NEXN: variants seen among roughly 807,000 people sequenced by gnomAD.
NEXN encodes the protein nexilin.
In NEXN, 65 loss-of-function variants were observed where a neutral mutation model predicts 92.6. The ratio of observed to expected loss-of-function variants is 0.70; its 90% CI spans 0.57 to 0.86. NEXN has a LOEUF of 0.86. Among genes scored for constraint, NEXN ranks in the 40% least tolerant of loss-of-function variants. NEXN has a pLI of 0.00. For missense variants in NEXN, 778 were observed against 771.1 expected, an observed-to-expected ratio of 1.01 and a Z score of -0.11; for synonymous variants, 254 against 242.5, an observed-to-expected ratio of 1.05 and a Z score of -0.44.
At chr1:77,892,899 C>G (rs1647141533) in intron 1 of NEXN, among the ~76,000 whole-genome samples, 1 of 147,282 alleles carries the variant, frequency 6.8e-6, no homozygotes, top group Non-Finnish European at 1.5e-5. Flanking sequence ...CGGAGTCTTG[C>G]TTTGTCACCC....
rs373878384 is a variant in NEXN at position 77,929,353 on chromosome 1, T to A, written c.902T>A (p.Ile301Asn). Residue 301 changes from isoleucine to asparagine, a missense_variant, in exon 9 of 13, where the codon ATT becomes AAT. Coordinates refer to ENST00000334785, the MANE Select transcript of NEXN (RefSeq NM_144573.4). ...GAGGAAAACCAAGACACAGCAAAAATTTTTAAAGGGTACCGCCCTGGTAAA... is the reference window on the plus strand; with the variant it reads ...GAGGAAAACCAAGACACAGCAAAAAATTTTAAAGGGTACCGCCCTGGTAAA... ...EDEENQDTAK[I>N]FKGYRPGKLK... 2.0e-5 allele frequency: 32 copies of A among 1,613,614 alleles called. No individual in the cohort carries two copies. In the African/African-American group the frequency reaches 3.3e-4, roughly 17 times the overall value.
At chr1:77,914,429 G>C (rs1648806581) in intron 1 of NEXN, among the ~76,000 whole-genome samples, 1 of 151,690 alleles carries the variant, frequency 6.6e-6, no homozygotes, top group Non-Finnish European at 1.5e-5. Context: ...TAAAAAAAAA[G>C]TTGGCTAGAA....
intron 1 of NEXN, among the ~76,000 whole-genome samples, chr1:77,902,018 A>G (rs1647755374): frequency 6.6e-6 from 1 of 152,216 alleles, no homozygotes; most frequent in South Asian, 2.1e-4. Flanking sequence ...CATCTAGACC[A>G]TAAACTCCAT....
At chr1:77,941,359 T>C (rs1053271871) in intron 11 of NEXN, among the ~76,000 whole-genome samples, 6 of 152,196 alleles carry the variant, frequency 3.9e-5, no homozygotes, top group Non-Finnish European at 7.3e-5. Context: ...ATTATTTTCC[T>C]AGACACACTA....
At chr1:77,892,706 G>A (rs1330263462) in intron 1 of NEXN, among the ~76,000 whole-genome samples, 3 of 152,152 alleles carry the variant, frequency 2.0e-5, no homozygotes, top group African/African-American at 7.2e-5. Flanking sequence ...AGTGGGAGAA[G>A]AGATTAGCAT....
At chr1:77,940,209 T>C (rs1468573699) in intron 11 of NEXN, among the ~76,000 whole-genome samples, 3 of 152,238 alleles carry the variant, frequency 2.0e-5, no homozygotes, top group African/African-American at 4.8e-5. Context: ...AAATGCCTTA[T>C]ATAACATTTG....
intron 1 of NEXN, among the ~76,000 whole-genome samples, chr1:77,909,513 A>G (rs1557968012): frequency 6.6e-6 from 1 of 152,182 alleles, no homozygotes; most frequent in African/African-American, 2.4e-5. Flanking sequence ...GACTAGTGCT[A>G]TTTATTATTT....
chr1:77,916,692 TTAAG>T (rs752883548), intron 2 of NEXN, among the ~76,000 whole-genome samples: 29 of 152,188 alleles, frequency 1.9e-4, no homozygotes, highest in African/African-American at 6.0e-4. Context: ...CACAAATTAA[TTAAG>T]TAATTGTCAT....
intron 1 of NEXN, among the ~76,000 whole-genome samples, chr1:77,903,817 C>A (rs1263372526): frequency 6.6e-6 from 1 of 151,884 alleles, no homozygotes; most frequent in Non-Finnish European, 1.5e-5. Context: ...TTCAGCTACT[C>A]AGGAGGCTGA....
rs771316249 is a variant in NEXN, at chr1:77,942,061, G to A, written c.1512G>A (p.Glu504=). 1 of 1,613,536 alleles carries A rather than the reference G, an allele frequency of 6.2e-7. No individual in the cohort carries two copies. The highest frequency in any genetic ancestry group is 8.5e-7 in the Non-Finnish European group (1 of 1,179,638). The change falls in exon 12 of 13, where the codon GAG becomes GAA. Residue 504 remains glutamate, a synonymous_variant. Coordinates refer to ENST00000334785, the MANE Select transcript of NEXN (RefSeq NM_144573.4). The part of the protein sequence containing the change: ...DVDVRPARKS[E]APFTHKVNMK... Reference sequence around the variant, plus strand: ...ATGTTAGGCCTGCAAGAAAAAGCGAGGCTCCATTTACTCACAAAGTGAATA... The same window carrying A: ...ATGTTAGGCCTGCAAGAAAAAGCGAAGCTCCATTTACTCACAAAGTGAATA...
At chr1:77,903,100 A>T (rs17101048) in intron 1 of NEXN, among the ~76,000 whole-genome samples, 7,158 of 152,220 alleles carry the variant, frequency 0.047, 231 homozygotes, top group East Asian at 0.11. Flanking sequence ...CACAGTTAAC[A>T]TCCTCAGAGT....
At chr1:77,895,994 G>A (rs1455034064) in intron 1 of NEXN, among the ~76,000 whole-genome samples, 1 of 151,716 alleles carries the variant, frequency 6.6e-6, no homozygotes, top group Non-Finnish European at 1.5e-5. Flanking sequence ...TGGCCAACAT[G>A]GTGAAACCCT....
At chr1:77,923,674 GCTCT>G (rs1271481235) in intron 5 of NEXN, among the ~76,000 whole-genome samples, 2 of 135,276 alleles carry the variant, frequency 1.5e-5, no homozygotes, top group East Asian at 4.5e-4. Flanking sequence ...GGTAAATTGA[GCTCT>G]CTTTTTTTTT....
At chr1:77,905,930 A>G (rs1648077001) in intron 1 of NEXN, among the ~76,000 whole-genome samples, 3 of 152,134 alleles carry the variant, frequency 2.0e-5, no homozygotes, top group African/African-American at 7.2e-5. Context: ...TGGGTGATAG[A>G]GTGGGAGGGA....
chr1:77,916,230 T>C (rs1289787385), intron 2 of NEXN, 97 bp downstream of exon 2: 5 of 847,722 alleles, frequency 5.9e-6, no homozygotes, highest in Non-Finnish European at 9.2e-6. Context: ...AGGTCATATT[T>C]AGGAGTTCAT....
intron 1 of NEXN, among the ~76,000 whole-genome samples, chr1:77,914,660 C>T (rs970772056): frequency 6.6e-6 from 1 of 151,752 alleles, no homozygotes; most frequent in African/African-American, 2.4e-5. Flanking sequence ...AGTTCGAGAC[C>T]AGCCTAGCCA....
intron 8 of NEXN, among the ~76,000 whole-genome samples, chr1:77,928,392 A>C (rs1014628442): frequency 5.3e-5 from 8 of 151,774 alleles, no homozygotes; most frequent in African/African-American, 1.9e-4. Context: ...TTCTTGAATG[A>C]TGTTCTAAGA....
intron 1 of NEXN, among the ~76,000 whole-genome samples, chr1:77,900,642 G>A (rs535493333): frequency 6.6e-6 from 1 of 152,148 alleles, no homozygotes; most frequent in Admixed American, 6.5e-5. Context: ...TGAAACCTGC[G>A]GTGGATACAT....
chr1:77,922,217 G>GC (rs1649480142), intron 5 of NEXN, among the ~76,000 whole-genome samples: 1 of 146,334 alleles, frequency 6.8e-6, no homozygotes, highest in Non-Finnish European at 1.5e-5. Context: ...TCAGCTCACT[G>GC]CAAGCTCCAC....
Sources: allele counts gnomAD v4.1 joint callset (sites outside exome capture counted in the v4.1 genomes callset), GRCh38; gene constraint gnomAD v4.1.1; transcripts MANE v1.5; gene names NCBI Gene and HGNC (gene_info 2026-07-23, HGNC 2026-07-21).